Variants in EXT1 observed in about 807,000 individuals in gnomAD.
The protein encoded by EXT1 is exostosin glycosyltransferase 1, also known as exostosin-1.
EXT1 carries 20 observed loss-of-function variants against 82.5 expected under a neutral mutation model. That is an observed-to-expected ratio of 0.24 (90% CI 0.17 to 0.35). The LOEUF (loss-of-function observed/expected upper bound fraction) is 0.35, where lower values mean the gene tolerates loss of function less well. Ranked by LOEUF, EXT1 falls within the 10% of genes least tolerant of loss-of-function variation. EXT1 has a pLI of 1.00. For synonymous variants in EXT1, 348 were observed against 350.8 expected, an observed-to-expected ratio of 0.99 and a Z score of 0.09; for missense variants, 757 against 936.5, an observed-to-expected ratio of 0.81 and a Z score of 2.50.
At chr8:118,056,057 T>A (rs1322884506) in intron 1 of EXT1, among the ~76,000 whole-genome samples, 1 of 149,182 alleles carries the variant, frequency 6.7e-6, no homozygotes, top group African/African-American at 2.5e-5. Flanking sequence ...TTAACACTTG[T>A]GATAGCTGAT....
chr8:117,970,116 G>A (rs1206068142), intron 1 of EXT1, among the ~76,000 whole-genome samples: 1 of 152,178 alleles, frequency 6.6e-6, no homozygotes, highest in East Asian at 1.9e-4. Context: ...TGAACTGCCA[G>A]CCTGCAGACG....
intron 1 of EXT1, among the ~76,000 whole-genome samples, chr8:118,076,611 C>T (rs1817217057): frequency 6.6e-6 from 1 of 152,204 alleles, no homozygotes; most frequent in Non-Finnish European, 1.5e-5. Context: ...ATGAATTCCT[C>T]AGGAAACCCA....
chr8:117,982,866 A>G (rs1815237303), intron 1 of EXT1, among the ~76,000 whole-genome samples: 1 of 152,228 alleles, frequency 6.6e-6, no homozygotes, highest in South Asian at 2.1e-4. Context: ...AAACAGATGT[A>G]AATATACCAT....
At position 117,976,758 on chromosome 8, in the gene EXT1, T is replaced by C. The variant is rs191847161; in HGVS notation, c.962+133327A>G. Among the ~76,000 whole-genome samples the C allele has an allele frequency of 9.8e-5, 15 of 152,372 alleles. No individual in the cohort carries two copies. In the East Asian group the frequency reaches 2.7e-3, roughly 27 times the overall value. On this transcript the variant is annotated intron_variant, in intron 1 of 10. Coordinates refer to ENST00000378204, the MANE Select transcript of EXT1 (RefSeq NM_000127.3). ...GAAATTTTAAATAAATATGTTTAGA[T>C]ATCTCAGTCTCATAGAAGATTTAAT...
intron 1 of EXT1, among the ~76,000 whole-genome samples, chr8:118,012,984 A>T (rs564707128): frequency 6.6e-6 from 1 of 152,162 alleles, no homozygotes; most frequent in Non-Finnish European, 1.5e-5. Flanking sequence ...AGCAAATGAA[A>T]ACATGCATAA....
intron 7 of EXT1, among the ~76,000 whole-genome samples, chr8:117,818,019 T>C (rs1295384003): frequency 6.6e-6 from 1 of 152,234 alleles, no homozygotes; most frequent in African/African-American, 2.4e-5. Flanking sequence ...CTGATAGACA[T>C]AGCTCATTCA....
chr8:118,062,080 G>A (rs1586370675), intron 1 of EXT1, among the ~76,000 whole-genome samples: 2 of 152,028 alleles, frequency 1.3e-5, no homozygotes, highest in Non-Finnish European at 1.5e-5. Flanking sequence ...GACACCAACT[G>A]TCAGGTGACA....
chr8:118,077,071 GT>G (rs902454983), intron 1 of EXT1, among the ~76,000 whole-genome samples: 12 of 152,122 alleles, frequency 7.9e-5, no homozygotes, highest in African/African-American at 2.9e-4. Flanking sequence ...ACATTTCAGA[GT>G]TTTTTTTCTT....
At chr8:117,858,765 G>GCAGGCCAGGC in intron 1 of EXT1, among the ~76,000 whole-genome samples, 1 of 98,026 alleles carries the variant, frequency 1.0e-5, no homozygotes, top group Non-Finnish European at 2.0e-5. Context: ...AGGAAGGAAG[G>GCAGGCCAGGC]AAGGCAGGCA....
In EXT1 at chr8:118,075,169, T is replaced by C. The variant is rs111349386; in HGVS notation, c.962+34916A>G. ...CACTGCTCTGATTTCCAGGAGCACC[T>C]GCAAAGGAATCTTTGGGCAAGTGCC... On this transcript the variant is annotated intron_variant, in intron 1 of 10. Coordinates refer to ENST00000378204, the MANE Select transcript of EXT1 (RefSeq NM_000127.3). 3.6e-4 allele frequency among the ~76,000 whole-genome samples: 55 copies of C among 152,348 alleles called. 1 individual carries two copies. Among genetic ancestry groups the C allele is most frequent in the South Asian group, 2.3e-3 (11 of 4,828 alleles).
intron 10 of EXT1, among the ~76,000 whole-genome samples, chr8:117,801,957 G>A (rs1296478212): frequency 2.6e-5 from 4 of 152,138 alleles, no homozygotes; most frequent in Admixed American, 6.5e-5. Context: ...TTCAGGTATC[G>A]TTTTGCTTCT....
intron 1 of EXT1, among the ~76,000 whole-genome samples, chr8:117,977,394 A>AAT (rs1815088387): frequency 6.6e-6 from 1 of 151,016 alleles, no homozygotes; most frequent in African/African-American, 2.4e-5. Context: ...CTCAAAATAA[A>AAT]AAAAAAAAAA....
chr8:118,068,492 G>A (rs890507605), intron 1 of EXT1, among the ~76,000 whole-genome samples: 5 of 151,956 alleles, frequency 3.3e-5, no homozygotes, highest in East Asian at 1.9e-4. Flanking sequence ...GCTCTCCCCC[G>A]ACAGGCCCCA....
At chr8:117,918,502 C>T (rs6999867) in intron 1 of EXT1, among the ~76,000 whole-genome samples, 14,711 of 152,228 alleles carry the variant, frequency 0.097, 2,003 homozygotes, top group African/African-American at 0.3. Context: ...TCTATTTCCC[C>T]TCCTCTTGAA....
At chr8:117,962,686 G>T (rs1173684209) in intron 1 of EXT1, among the ~76,000 whole-genome samples, 5 of 152,042 alleles carry the variant, frequency 3.3e-5, no homozygotes, top group Non-Finnish European at 2.9e-5. Context: ...CTGCGAGACA[G>T]AGGTTACAGT....
intron 1 of EXT1, among the ~76,000 whole-genome samples, chr8:118,059,858 G>A (rs910293734): frequency 9.2e-5 from 14 of 152,160 alleles, no homozygotes; most frequent in Non-Finnish European, 1.9e-4. Context: ...ACAGAGAAAA[G>A]ACCTCAATGC....
At chr8:117,931,559 C>T (rs1408564443) in intron 1 of EXT1, among the ~76,000 whole-genome samples, 2 of 151,842 alleles carry the variant, frequency 1.3e-5, no homozygotes, top group African/African-American at 2.4e-5. Flanking sequence ...GACACCTAGG[C>T]GTGGTTATTG....
intron 1 of EXT1, among the ~76,000 whole-genome samples, chr8:117,858,754 A>AGGC (rs1554581723): frequency 5.3e-5 from 3 of 56,768 alleles, no homozygotes; most frequent in Non-Finnish European, 7.9e-5. Flanking sequence ...GGAAGGAAGG[A>AGGC]AGGAAGGAAG....
intron 3 of EXT1, among the ~76,000 whole-genome samples, chr8:117,833,446 C>T (rs1277759941): frequency 6.6e-6 from 1 of 152,102 alleles, no homozygotes; most frequent in Non-Finnish European, 1.5e-5. Flanking sequence ...GAAACACCAT[C>T]TCTACTAAAA....
Sources: allele counts gnomAD v4.1 joint callset (sites outside exome capture counted in the v4.1 genomes callset), GRCh38; gene constraint gnomAD v4.1.1; transcripts MANE v1.5; gene names NCBI Gene and HGNC (gene_info 2026-07-23, HGNC 2026-07-21).